Variants in BAIAP2L1 observed in about 807,000 individuals in gnomAD.
BAIAP2L1 encodes BAR/IMD domain containing adaptor protein 2 like 1, also known as BAR/IMD domain-containing adapter protein 2-like 1.
In BAIAP2L1, 35 loss-of-function variants were observed where a neutral mutation model predicts 66.3. That is an observed-to-expected ratio of 0.53 (90% confidence interval 0.40 to 0.70). The LOEUF is 0.70. BAIAP2L1 is among the 30% of genes least tolerant of loss of function. The probability of loss-of-function intolerance (pLI) is 0.00; values close to 1 mark genes in which losing one functional copy is unlikely to be tolerated. For missense variants in BAIAP2L1, 622 were observed against 656.9 expected, an observed-to-expected ratio of 0.95 and a Z score of 0.58; for synonymous variants, 269 against 248.7, an observed-to-expected ratio of 1.08 and a Z score of -0.77.
At chr7:98,363,541 A>G (rs1473753721) in intron 1 of BAIAP2L1, among the ~76,000 whole-genome samples, 4 of 152,212 alleles carry the variant, frequency 2.6e-5, no homozygotes, top group East Asian at 1.9e-4. Context: ...TAGGACAAGT[A>G]TAAGACAAAT....
chr7:98,302,450 A>G (rs780386928), intron 12 of BAIAP2L1, among the ~76,000 whole-genome samples: 1 of 152,224 alleles, frequency 6.6e-6, no homozygotes, highest in Non-Finnish European at 1.5e-5. Flanking sequence ...CATCACAAAA[A>G]GAGATGGACG....
chr7:98,371,320 T>C (rs1802505811), intron 1 of BAIAP2L1, among the ~76,000 whole-genome samples: 1 of 152,066 alleles, frequency 6.6e-6, no homozygotes, highest in Non-Finnish European at 1.5e-5. Context: ...GGGAAGGGCA[T>C]GCATAGTTAT....
chr7:98,352,021 C>G (rs954384278), intron 3 of BAIAP2L1, among the ~76,000 whole-genome samples: 1 of 151,766 alleles, frequency 6.6e-6, no homozygotes, highest in Non-Finnish European at 1.5e-5. Flanking sequence ...AATACCAAAA[C>G]GGAGTAACTA....
intron 11 of BAIAP2L1, among the ~76,000 whole-genome samples, chr7:98,304,854 C>T (rs1474017705): frequency 2.7e-5 from 4 of 148,470 alleles, no homozygotes; most frequent in Non-Finnish European, 5.9e-5. Flanking sequence ...CTAAACATAT[C>T]CTCACAAGAA....
Position 98,358,921 on chromosome 7 carries a change from C to CTTTGAT in BAIAP2L1, c.127+3435_127+3436insATCAAA, listed in dbSNP as rs1276141944. Among the ~76,000 whole-genome samples, 35 of 152,266 alleles carry CTTTGAT rather than the reference C, an allele frequency of 2.3e-4. No homozygotes were observed. In the East Asian group the frequency reaches 5.6e-3, roughly 24 times the overall value. ...CCAGGTGGTGTGGCCATGGGACCTG[C>CTTTGAT]TTTGACCCACGGGTTATCAGCAAGC... On this transcript the variant is annotated intron_variant, in intron 2 of 13. Coordinates refer to ENST00000005260, the MANE Select transcript of BAIAP2L1 (RefSeq NM_018842.5).
At chr7:98,400,704 G>A (rs943309464) in intron 1 of BAIAP2L1, 98 bp downstream of exon 1, 212 of 1,358,094 alleles carry the variant, frequency 1.6e-4, no homozygotes, top group Non-Finnish European at 2.0e-4. Context: ...CGGGGGAGGG[G>A]AGCTGGAGGG....
Position 98,306,481 on chromosome 7 carries a change from A to C in BAIAP2L1, c.1199T>G (p.Leu400Arg). The C allele has an allele frequency of 6.2e-7, 1 of 1,614,130 alleles. No individual in the cohort carries two copies. Among genetic ancestry groups the C allele is most frequent in the Non-Finnish European group, 8.5e-7 (1 of 1,180,032 alleles). Reference sequence around the variant, plus strand: ...CACTGCTTCTGTCTCATTTTCTTCCAGCAACTTCGTGTACGACGACGGGAA... The same window carrying C: ...CACTGCTTCTGTCTCATTTTCTTCCCGCAACTTCGTGTACGACGACGGGAA... The part of the protein sequence containing the change: ...GWFPSSYTKL[L>R]EENETEAVTV... The change falls in exon 11 of 14, where the codon CTG becomes CGG. Residue 400 changes from leucine to arginine, a missense_variant. Transcript: ENST00000005260.
intron 3 of BAIAP2L1, among the ~76,000 whole-genome samples, chr7:98,353,542 T>C (rs1013143644): frequency 7.4e-6 from 1 of 135,754 alleles, no homozygotes; most frequent in African/African-American, 2.8e-5. Flanking sequence ...TATACATATA[T>C]TTATATTATA....
At chr7:98,306,949 A>G (rs1396649938) in intron 10 of BAIAP2L1, 3 of 171,644 alleles carry the variant, frequency 1.7e-5, no homozygotes, top group African/African-American at 7.2e-5. Context: ...GGTTTTATTT[A>G]ATACATCTGA....
In BAIAP2L1 at chr7:98,360,070, G is replaced by A. The variant is rs569277289; in HGVS notation, c.127+2287C>T. On this transcript the variant is annotated intron_variant, in intron 2 of 13. Coordinates refer to ENST00000005260, the MANE Select transcript of BAIAP2L1 (RefSeq NM_018842.5). ...CCCACGTAGTTGGGATCACAGGCACGTGCCACCACTCCCGGCTAAATTTTG... is the reference window on the plus strand; with the variant it reads ...CCCACGTAGTTGGGATCACAGGCACATGCCACCACTCCCGGCTAAATTTTG... Among the ~76,000 whole-genome samples, 48 of 152,030 alleles carry A rather than the reference G, an allele frequency of 3.2e-4. No individual in the cohort carries two copies. In the Middle Eastern group the frequency reaches 0.014, roughly 43 times the overall value.
At chr7:98,297,765 C>T (rs923908584) in intron 12 of BAIAP2L1, among the ~76,000 whole-genome samples, 1 of 152,182 alleles carries the variant, frequency 6.6e-6, no homozygotes, top group African/African-American at 2.4e-5. Flanking sequence ...AACGAAGATG[C>T]GTGCAGGCCT....
chr7:98,292,977 C>G lies in BAIAP2L1; in HGVS notation c.*544G>C. 1 of 1,196,146 alleles carries G rather than the reference C, an allele frequency of 8.4e-7. No homozygotes were observed. Among genetic ancestry groups the G allele is most frequent in the South Asian group, 3.5e-5 (1 of 28,752 alleles). The allele number at this position is 1,196,146 out of a possible 1,614,324, so 74.1% of individuals were successfully genotyped here. A position where few individuals can be genotyped will look rare whatever the true frequency, so the allele number is the denominator to read the frequency against. On this transcript the variant is annotated 3_prime_UTR_variant, in exon 14 of 14. Transcript: ENST00000005260. ...GTTGGAGGGAGGGTGGGGGTTTCTC[C>G]ATCTCTGGAAGCTCTACACTTAAAC... is the stretch of plus-strand genomic sequence containing the variant.
chr7:98,336,625 A>G (rs917892388), intron 3 of BAIAP2L1, among the ~76,000 whole-genome samples: 7 of 152,230 alleles, frequency 4.6e-5, no homozygotes, highest in Non-Finnish European at 1.0e-4. Flanking sequence ...CAAAAAAATA[A>G]AATAAAATAA....
At chr7:98,302,550 G>A (rs576978892) in intron 12 of BAIAP2L1, among the ~76,000 whole-genome samples, 1 of 152,272 alleles carries the variant, frequency 6.6e-6, no homozygotes, top group African/African-American at 2.4e-5. Flanking sequence ...CAGGGCCTGA[G>A]GTCTAACTAC....
At chr7:98,294,837 G>A (rs1219840981) in intron 12 of BAIAP2L1, among the ~76,000 whole-genome samples, 4 of 152,220 alleles carry the variant, frequency 2.6e-5, no homozygotes, top group Admixed American at 2.6e-4. Flanking sequence ...AAGTGCAAAG[G>A]TGCCTACAGG....
At chr7:98,294,255 T>C (rs765307405) in intron 12 of BAIAP2L1, 144 bp from the exon 13 acceptor site, 38 of 787,878 alleles carry the variant, frequency 4.8e-5, no homozygotes, top group Non-Finnish European at 7.6e-5. Context: ...GGCCTCCTAA[T>C]GTGCTGGGAC....
intron 3 of BAIAP2L1, among the ~76,000 whole-genome samples, chr7:98,338,422 A>G (rs1801661565): frequency 2.2e-5 from 1 of 45,328 alleles, no homozygotes; most frequent in Non-Finnish European, 6.9e-5. Flanking sequence ...ACTCCGTCTT[A>G]AAAAAAAAAA....
chr7:98,382,598 A>G (rs1381885687), intron 1 of BAIAP2L1, among the ~76,000 whole-genome samples: 1 of 152,216 alleles, frequency 6.6e-6, no homozygotes, highest in Non-Finnish European at 1.5e-5. Flanking sequence ...TTGTAGTTTA[A>G]GTGTGGATGA....
rs370785061 is a variant in BAIAP2L1, at chr7:98,336,145, G to C, written c.215-15847C>G. Among the ~76,000 whole-genome samples the C allele has an allele frequency of 1.3e-4, 19 of 151,978 alleles. No individual in the cohort carries two copies. In the South Asian group the frequency reaches 3.3e-3, roughly 27 times the overall value. Reference sequence around the variant, plus strand: ...AACAACAGACACTGGGGACTATGAGGGGGGGTGGGAGAGAGGGGAATAAGG... The same window carrying C: ...AACAACAGACACTGGGGACTATGAGCGGGGGTGGGAGAGAGGGGAATAAGG... On this transcript the variant is annotated intron_variant, in intron 3 of 13. Transcript: ENST00000005260.
Sources: gnomAD v4.1 joint callset for allele counts (sites outside exome capture counted in the v4.1 genomes callset) on GRCh38, gnomAD v4.1.1 for gene constraint, MANE v1.5 for transcripts, NCBI Gene and HGNC (gene_info 2026-07-23, HGNC 2026-07-21) for gene names.